ADAMTS9: variants seen among roughly 807,000 people sequenced by gnomAD.
ADAMTS9 encodes ADAM metallopeptidase with thrombospondin type 1 motif 9.
In ADAMTS9, 107 loss-of-function variants were observed where a neutral mutation model predicts 257.1. The ratio of observed to expected loss-of-function variants is 0.42; its 90% CI spans 0.36 to 0.49. The LOEUF is 0.49. Among genes scored for constraint, ADAMTS9 ranks in the 20% least tolerant of loss-of-function variants. ADAMTS9 has a pLI of 0.03. For synonymous variants in ADAMTS9, 982 were observed against 880.9 expected, an observed-to-expected ratio of 1.11 and a Z score of -2.03; for missense variants, 2,353 against 2,469.1, an observed-to-expected ratio of 0.95 and a Z score of 1.00.
intron 2 of ADAMTS9, among the ~76,000 whole-genome samples, chr3:64,684,430 G>C (rs1315147832): frequency 6.6e-6 from 1 of 151,960 alleles, no homozygotes; most frequent in East Asian, 1.9e-4. Flanking sequence ...GTAGACTCTG[G>C]TAGACTCTTC....
intron 39 of ADAMTS9, among the ~76,000 whole-genome samples, chr3:64,517,416 G>GTTTTTTTTGTTTTTTTTTTTTTTT (rs1553698668): frequency 1.9e-5 from 1 of 52,638 alleles, no homozygotes; most frequent in African/African-American, 5.3e-5. Context: ...ATTAAAAATG[G>GTTTTTTTTGTTTTTTTTTTTTTTT]TTTTTTTTTT....
chr3:64,657,691 G>T (rs1204366238), intron 4 of ADAMTS9, among the ~76,000 whole-genome samples: 1 of 130,304 alleles, frequency 7.7e-6, no homozygotes, highest in Admixed American at 8.0e-5. Context: ...TTAAAATTAG[G>T]AATTTTTTTT....
chr3:64,630,123 G>A (rs1700331129), intron 16 of ADAMTS9, among the ~76,000 whole-genome samples: 1 of 98,718 alleles, frequency 1.0e-5, no homozygotes, highest in African/African-American at 5.8e-5. Context: ...AGATCTGAGT[G>A]TAAGCCATGC....
intron 3 of ADAMTS9, among the ~76,000 whole-genome samples, chr3:64,670,797 G>A (rs1396076190): frequency 1.3e-5 from 2 of 152,166 alleles, no homozygotes; most frequent in Non-Finnish European, 2.9e-5. Flanking sequence ...TTAGGTAAAT[G>A]CAAATGAAAA....
intron 31 of ADAMTS9, among the ~76,000 whole-genome samples, chr3:64,548,697 G>A (rs1379628778): frequency 2.0e-5 from 3 of 152,238 alleles, no homozygotes; most frequent in African/African-American, 7.2e-5. Flanking sequence ...AAAGAAGCTG[G>A]CAAGAACAGA....
At chr3:64,547,029 C>T in intron 31 of ADAMTS9, 77 bp from the exon 32 acceptor site, 2 of 1,293,096 alleles carry the variant, frequency 1.5e-6, no homozygotes, top group Non-Finnish European at 2.2e-6. Flanking sequence ...GACCTCCACA[C>T]CAAGCGCTGA....
chr3:64,596,895 G>A lies in ADAMTS9; in HGVS notation c.4114C>T (p.Pro1372Ser), dbSNP rs2084377092. Residue 1372 changes from proline (P) to serine (S), a missense_variant, in exon 27 of 40, where the codon CCT becomes TCT. Coordinates refer to ENST00000498707, the MANE Select transcript of ADAMTS9 (RefSeq NM_182920.2). ...TANDCVERIK[P>S]DEQRACESGP... ...GATTCACAGGCTCTTTGCTCATCAG[G>A]TTTTATTCTCTCCACACAGTCGTTT... The A allele has an allele frequency of 6.2e-7, 1 of 1,613,966 alleles. No homozygotes were observed. The highest frequency in any genetic ancestry group is 1.7e-5 in the Admixed American group (1 of 60,000).
At chr3:64,531,520 T>C (rs1437025745) in intron 38 of ADAMTS9, among the ~76,000 whole-genome samples, 2 of 150,536 alleles carry the variant, frequency 1.3e-5, no homozygotes, top group Non-Finnish European at 2.9e-5. Flanking sequence ...CAGCCTGGAG[T>C]GCAGTCGCGC....
intron 12 of ADAMTS9, among the ~76,000 whole-genome samples, chr3:64,641,357 A>G (rs1478667958): frequency 6.6e-6 from 1 of 150,728 alleles, no homozygotes; most frequent in Non-Finnish European, 1.5e-5. Context: ...TTTAGGGTAC[A>G]CGTGCACAAT....
At chr3:64,575,082 G>C (rs2083803936) in intron 28 of ADAMTS9, among the ~76,000 whole-genome samples, 1 of 152,262 alleles carries the variant, frequency 6.6e-6, no homozygotes, top group East Asian at 1.9e-4. Context: ...ACATTTTTCA[G>C]GGTTTATTAA....
chr3:64,601,671 T>C (rs2084463936), intron 26 of ADAMTS9, among the ~76,000 whole-genome samples: 1 of 152,112 alleles, frequency 6.6e-6, no homozygotes, highest in Non-Finnish European at 1.5e-5. Flanking sequence ...CTGATGGTAT[T>C]TACGGTACCT....
intron 3 of ADAMTS9, among the ~76,000 whole-genome samples, chr3:64,662,920 T>A (rs890882691): frequency 6.6e-6 from 1 of 152,120 alleles, no homozygotes; most frequent in East Asian, 1.9e-4. Context: ...TGCACACAAT[T>A]AATAAAACTA....
At chr3:64,666,430 G>C (rs1045001131) in intron 3 of ADAMTS9, among the ~76,000 whole-genome samples, 8 of 152,144 alleles carry the variant, frequency 5.3e-5, no homozygotes, top group African/African-American at 1.9e-4. Flanking sequence ...AGGACCAAAG[G>C]GAGGATTCAG....
rs1283396011 is a variant in ADAMTS9, at chr3:64,594,351, G to A, written c.4263C>T (p.Ser1421=). 6.2e-7 allele frequency: 1 copy of A among 1,614,034 alleles called. No individual in the cohort carries two copies. The highest frequency in any genetic ancestry group is 8.5e-7 in the Non-Finnish European group (1 of 1,179,948). The change falls in exon 28 of 40, where the codon AGC becomes AGT. Residue 1421 remains serine, a synonymous_variant. Transcript: ENST00000498707. ...RSNGERFPDL[S]CEILDKPPDR... ...CGGGAGGTTTATCAAGAATTTCACA[G>A]CTCAAATCTGGAAACCGTTCACCGT... is the stretch of plus-strand genomic sequence containing the variant.
chr3:64,545,267 CA>C (rs1453093377), intron 32 of ADAMTS9, among the ~76,000 whole-genome samples: 13 of 152,258 alleles, frequency 8.5e-5, no homozygotes, highest in African/African-American at 3.1e-4. Flanking sequence ...GGCATATACC[CA>C]AAGGATTATA....
chr3:64,687,506 G>T lies in ADAMTS9; in HGVS notation c.115+37C>A. 2 of 1,476,398 alleles carry T rather than the reference G, an allele frequency of 1.4e-6. No individual in the cohort carries two copies. The highest frequency in any genetic ancestry group is 4.3e-5 in the Admixed American group (2 of 46,308). 91.5% of individuals were successfully genotyped at this position (1,476,398 alleles called of 1,614,324 possible). A position where few individuals can be genotyped will look rare whatever the true frequency, so the allele number is the denominator to read the frequency against. ...GGAGCGAGGACCGGGAGGCGGCGTCGGGGCCGGCGGGGTCCCGGGGGCCGG... is the reference window on the plus strand; with the variant it reads ...GGAGCGAGGACCGGGAGGCGGCGTCTGGGCCGGCGGGGTCCCGGGGGCCGG... On this transcript the variant is annotated intron_variant, in intron 1 of 39. Coordinates refer to ENST00000498707, the MANE Select transcript of ADAMTS9 (RefSeq NM_182920.2). The surrounding 1 kb of genome is among the most constrained non-coding windows in gnomAD (Gnocchi z 4.4).
chr3:64,595,803 C>T (rs962503220), intron 27 of ADAMTS9, among the ~76,000 whole-genome samples: 3 of 152,136 alleles, frequency 2.0e-5, no homozygotes, highest in South Asian at 4.1e-4. Flanking sequence ...CTTTTTCCCC[C>T]CCTTGGCACT....
chr3:64,544,636 T>C (rs1004639263), intron 32 of ADAMTS9, among the ~76,000 whole-genome samples: 1 of 152,154 alleles, frequency 6.6e-6, no homozygotes, highest in African/African-American at 2.4e-5. Context: ...AAGACTTAAA[T>C]GTTAGACCTA....
chr3:64,615,777 T>C (rs2084750709), intron 20 of ADAMTS9, among the ~76,000 whole-genome samples, 183 bp downstream of exon 20: 1 of 152,192 alleles, frequency 6.6e-6, no homozygotes, highest in African/African-American at 2.4e-5. Context: ...GTCATGCCCA[T>C]GTCAGACATT....
Sources: allele counts gnomAD v4.1 joint callset (sites outside exome capture counted in the v4.1 genomes callset), GRCh38; gene constraint gnomAD v4.1.1; non-coding constraint Gnocchi (gnomAD v3.1); transcripts MANE v1.5; gene names NCBI Gene and HGNC (gene_info 2026-07-23, HGNC 2026-07-21).